Variants in INPP4B observed in about 807,000 individuals in gnomAD.
The protein encoded by INPP4B is inositol polyphosphate-4-phosphatase type II B, also known as inositol polyphosphate 4-phosphatase type II.
Under a neutral mutation model 122.5 loss-of-function variants are expected in INPP4B, and 55 were observed. The observed-to-expected ratio is 0.45, with a 90% confidence interval of 0.36 to 0.56. The LOEUF (loss-of-function observed/expected upper bound fraction) is 0.56. INPP4B is among the 20% of genes least tolerant of loss of function. INPP4B has a pLI of 0.00. For missense variants in INPP4B, 1,000 were observed against 1,097.7 expected (o/e 0.91, Z 1.26); for synonymous variants, 403 against 388.7 (o/e 1.04, Z -0.43).
chr4:142,220,022 G>A (rs1848745946), intron 12 of INPP4B, among the ~76,000 whole-genome samples: 1 of 152,106 alleles, frequency 6.6e-6, no homozygotes, highest in Admixed American at 6.6e-5. Flanking sequence ...TATCCTATAG[G>A]ATGGTACAAT....
chr4:142,295,732 T>G (rs569782342), intron 9 of INPP4B, among the ~76,000 whole-genome samples: 3 of 151,270 alleles, frequency 2.0e-5, no homozygotes, highest in Non-Finnish European at 4.4e-5. Flanking sequence ...GAAATTCACT[T>G]TCCCTTTTTT....
chr4:142,186,424 T>C (rs1379312393), intron 15 of INPP4B, among the ~76,000 whole-genome samples: 1 of 152,210 alleles, frequency 6.6e-6, no homozygotes, highest in African/African-American at 2.4e-5. Context: ...GCGGAGTCTA[T>C]GAATTGTCTG....
chr4:142,637,107 T>A (rs1424621630), intron 2 of INPP4B, among the ~76,000 whole-genome samples: 2 of 152,136 alleles, frequency 1.3e-5, no homozygotes, highest in Non-Finnish European at 2.9e-5. Context: ...CCATGAACCA[T>A]CCCTTTCTAA....
At chr4:142,058,780 G>A (rs1414002567) in intron 25 of INPP4B, among the ~76,000 whole-genome samples, 1 of 152,144 alleles carries the variant, frequency 6.6e-6, no homozygotes, top group Non-Finnish European at 1.5e-5. Context: ...GTTGTAAGAT[G>A]TCTAGTTCTA....
chr4:142,101,074 G>A (rs753651882), intron 23 of INPP4B, among the ~76,000 whole-genome samples: 2 of 152,086 alleles, frequency 1.3e-5, no homozygotes, highest in African/African-American at 2.4e-5. Context: ...TGGGAATCCA[G>A]GCTCAAGATA....
chr4:142,483,591 C>G (rs1430335076), intron 2 of INPP4B, among the ~76,000 whole-genome samples: 2 of 151,914 alleles, frequency 1.3e-5, no homozygotes, highest in African/African-American at 4.8e-5. Context: ...TTAGATCAAA[C>G]TGGGAGGCAG....
intron 9 of INPP4B, among the ~76,000 whole-genome samples, chr4:142,281,577 T>C (rs1458162762): frequency 6.6e-6 from 1 of 152,006 alleles, no homozygotes; most frequent in Non-Finnish European, 1.5e-5. Context: ...TATGTCTTTT[T>C]AATGGTAGGA....
chr4:142,115,012 A>G (rs1792342283), intron 21 of INPP4B, among the ~76,000 whole-genome samples: 1 of 152,122 alleles, frequency 6.6e-6, no homozygotes, highest in African/African-American at 2.4e-5. Context: ...TACATGATGC[A>G]TGCCCAAGCT....
intron 2 of INPP4B, among the ~76,000 whole-genome samples, chr4:142,595,092 T>C: frequency 6.6e-6 from 1 of 151,690 alleles, no homozygotes; most frequent in Non-Finnish European, 1.5e-5. Flanking sequence ...TTATTTTGCA[T>C]TTTTTTGTAT....
At chr4:142,432,063 A>T (rs1277056684) in intron 3 of INPP4B, among the ~76,000 whole-genome samples, 1 of 152,112 alleles carries the variant, frequency 6.6e-6, no homozygotes, top group African/African-American at 2.4e-5. Flanking sequence ...AGCATGGGGA[A>T]AGAAAGACTC....
intron 1 of INPP4B, among the ~76,000 whole-genome samples, chr4:142,778,569 A>G (rs1774292036): frequency 6.6e-6 from 1 of 152,072 alleles, no homozygotes; most frequent in Non-Finnish European, 1.5e-5. Flanking sequence ...TTCACTACCC[A>G]GTACTCCTGA....
intron 2 of INPP4B, among the ~76,000 whole-genome samples, chr4:142,659,087 A>G (rs1026369733): frequency 2.6e-5 from 4 of 152,270 alleles, no homozygotes; most frequent in Admixed American, 2.0e-4. Context: ...ATTCAGTCCT[A>G]TAATTTTTTT....
intron 14 of INPP4B, among the ~76,000 whole-genome samples, chr4:142,203,431 G>T (rs1841496464): frequency 6.6e-6 from 1 of 151,898 alleles, no homozygotes; most frequent in African/African-American, 2.4e-5. Context: ...TACATTACAA[G>T]AATTTATATT....
chr4:142,432,456 T>C (rs1373283174), intron 3 of INPP4B, among the ~76,000 whole-genome samples: 3 of 152,100 alleles, frequency 2.0e-5, no homozygotes, highest in Admixed American at 6.6e-5. Context: ...GATAAATACA[T>C]ATTGGCTTCT....
Position 142,573,636 on chromosome 4 carries a change from G to A in INPP4B, c.-190-110910C>T, listed in dbSNP as rs151052349. On this transcript the variant is annotated intron_variant, in intron 2 of 25. Transcript: ENST00000262992. ...TAAAAACCTCCATCTATTACCTTTCGATTGGGCCATATTAGTTTGGTAAAA... is the reference window on the plus strand; with the variant it reads ...TAAAAACCTCCATCTATTACCTTTCAATTGGGCCATATTAGTTTGGTAAAA... Among the ~76,000 whole-genome samples the A allele has an allele frequency of 3.9e-3, 591 of 152,076 alleles. 4 individuals are homozygous for A. The highest frequency in any genetic ancestry group is 6.8e-3 in the Middle Eastern group (2 of 294).
chr4:142,211,825 T>C (rs759036457), intron 12 of INPP4B, among the ~76,000 whole-genome samples: 7 of 152,202 alleles, frequency 4.6e-5, no homozygotes, highest in African/African-American at 7.2e-5. Flanking sequence ...CTAATGGAGA[T>C]AGAACTTTCC....
At chr4:142,404,269 C>T (rs1356506629) in intron 6 of INPP4B, among the ~76,000 whole-genome samples, 2 of 152,158 alleles carry the variant, frequency 1.3e-5, no homozygotes, top group South Asian at 2.1e-4. Context: ...ATTTATTCCA[C>T]CACCGCATCA....
At position 142,152,066 on chromosome 4, in the gene INPP4B, C is replaced by CTTTTTTTTTTT. The variant is rs572092121; in HGVS notation, c.1564-6081_1564-6071dup. 3.1e-4 allele frequency among the ~76,000 whole-genome samples: 22 copies of CTTTTTTTTTTT among 69,952 alleles called. 2 individuals are homozygous for CTTTTTTTTTTT. The highest frequency in any genetic ancestry group is 1.2e-3 in the African/African-American group (21 of 18,002). 45.9% of individuals were successfully genotyped at this position (69,952 alleles called of 152,430 possible). ...TGCCTAACATGCTTTTTTGTCTTTT[C>CTTTTTTTTTTT]TTTTTTTTTTTTTTTTTTTTTTTTT... On this transcript the variant is annotated intron_variant, in intron 17 of 25. Transcript: ENST00000262992.
At chr4:142,154,515 G>T (rs189250624) in intron 17 of INPP4B, among the ~76,000 whole-genome samples, 2 of 152,174 alleles carry the variant, frequency 1.3e-5, no homozygotes, top group East Asian at 3.9e-4. Context: ...TAGGAAATAT[G>T]CACTAGGGAG....
Sources: gnomAD v4.1 joint callset for allele counts (sites outside exome capture counted in the v4.1 genomes callset) on GRCh38, gnomAD v4.1.1 for gene constraint, MANE v1.5 for transcripts, NCBI Gene and HGNC (gene_info 2026-07-23, HGNC 2026-07-21) for gene names.